The following OCA2 variants were observed in gnomAD, a reference collection of about 807,000 sequenced individuals.
OCA2 encodes the protein OCA2 melanosomal transmembrane protein, also known as P protein.
Under a neutral mutation model 100.2 loss-of-function variants are expected in OCA2, and 77 were observed. The ratio of observed to expected loss-of-function variants is 0.77; its 90% CI spans 0.64 to 0.93. The LOEUF is 0.93. Ranked by LOEUF, OCA2 falls within the 40% of genes least tolerant of loss-of-function variation. The pLI, the probability that OCA2 is intolerant of heterozygous loss-of-function variation, is 0.00. For synonymous variants in OCA2, 432 were observed against 439.2 expected, an observed-to-expected ratio of 0.98 and a Z score of 0.21; for missense variants, 1,062 against 1,089.1, an observed-to-expected ratio of 0.98 and a Z score of 0.35.
chr15:27,742,580 C>T, the OCA2 span, among the ~76,000 whole-genome samples: 1 of 152,154 alleles, frequency 6.6e-6, no homozygotes, highest in Non-Finnish European at 1.5e-5. Context: ...ACCGGGCCAC[C>T]TTCCCTTAAA....
chr15:27,805,154 C>T (rs767394689), intron 23 of OCA2, among the ~76,000 whole-genome samples: 2 of 152,200 alleles, frequency 1.3e-5, no homozygotes, highest in Non-Finnish European at 2.9e-5. Flanking sequence ...GCTGAGGTGG[C>T]GGCCCCACCG....
intron 12 of OCA2, 141 bp downstream of exon 12, chr15:27,986,446 G>A (rs535182633): frequency 3.0e-6 from 2 of 665,262 alleles, no homozygotes; most frequent in East Asian, 2.7e-5. Flanking sequence ...AGTATACCCT[G>A]CCCTGCAGAA....
At chr15:27,943,532 T>C (rs1190996608) in intron 18 of OCA2, among the ~76,000 whole-genome samples, 1 of 152,064 alleles carries the variant, frequency 6.6e-6, no homozygotes, top group Non-Finnish European at 1.5e-5. Context: ...TCTGGTAATT[T>C]TTTAGGTCTG....
chr15:27,746,732 A>C, the OCA2 span, among the ~76,000 whole-genome samples: 3 of 152,038 alleles, frequency 2.0e-5, no homozygotes, highest in African/African-American at 4.8e-5. Flanking sequence ...CCCTCACCCA[A>C]CTTTGGCCTT....
intron 18 of OCA2, among the ~76,000 whole-genome samples, chr15:27,934,256 C>A (rs2039370607): frequency 7.3e-6 from 1 of 137,262 alleles, no homozygotes; most frequent in African/African-American, 2.5e-5. Flanking sequence ...TGTTGGGACC[C>A]CAGTCTTAGA....
chr15:27,745,010 G>A, the OCA2 span, among the ~76,000 whole-genome samples: 8 of 152,176 alleles, frequency 5.3e-5, no homozygotes, highest in Admixed American at 5.2e-4. Flanking sequence ...GGCCCTGAAA[G>A]AACCTGCAGT....
chr15:27,880,048 T>C (rs11855830), intron 19 of OCA2, among the ~76,000 whole-genome samples: 2,377 of 152,218 alleles, frequency 0.016, 55 homozygotes, highest in African/African-American at 0.05. Flanking sequence ...AGGAAAGGGT[T>C]CAGTTTCAAT....
chr15:27,847,078 G>C (rs967216466), intron 22 of OCA2, among the ~76,000 whole-genome samples: 1 of 152,122 alleles, frequency 6.6e-6, no homozygotes, highest in Admixed American at 6.5e-5. Context: ...CTCCCTCCCT[G>C]AGGGCCCTCC....
At chr15:27,906,548 C>A (rs2038185006) in intron 19 of OCA2, among the ~76,000 whole-genome samples, 1 of 151,916 alleles carries the variant, frequency 6.6e-6, no homozygotes, top group Admixed American at 6.6e-5. Flanking sequence ...GGGAAAAAAA[C>A]AAATAGTAGA....
chr15:27,826,351 C>CCACA (rs10535869), intron 23 of OCA2, among the ~76,000 whole-genome samples: 227 of 149,854 alleles, frequency 1.5e-3, no homozygotes, highest in African/African-American at 5.2e-3. Flanking sequence ...AAGGAACTTC[C>CCACA]CACACACACA....
chr15:27,914,794 A>C (rs2140293690), intron 19 of OCA2, among the ~76,000 whole-genome samples: 1 of 152,364 alleles, frequency 6.6e-6, no homozygotes, highest in Middle Eastern at 3.4e-3. Flanking sequence ...TGCCCAAAGC[A>C]ATCTACAGAT....
At chr15:27,990,725 G>A (rs1009315199) in intron 9 of OCA2, 78 bp from the exon 10 acceptor site, 4 of 1,239,332 alleles carry the variant, frequency 3.2e-6, no homozygotes, top group Non-Finnish European at 4.8e-6. Flanking sequence ...GTGGACATGA[G>A]GGGGTCTATA....
intron 14 of OCA2, among the ~76,000 whole-genome samples, chr15:27,969,970 G>T (rs2040715825): frequency 6.6e-6 from 1 of 151,660 alleles, no homozygotes; most frequent in Admixed American, 6.6e-5. Context: ...AGTAAAATAT[G>T]CATGGTGTAA....
At chr15:28,092,234 T>C (rs1323254598) in intron 1 of OCA2, among the ~76,000 whole-genome samples, 3 of 151,888 alleles carry the variant, frequency 2.0e-5, no homozygotes, top group African/African-American at 7.3e-5. Flanking sequence ...GGGGATAGGG[T>C]TGGAGGGAAA....
At chr15:27,871,410 A>T (rs894831413) in intron 20 of OCA2, 152 bp from the exon 21 acceptor site, 1 of 698,124 alleles carries the variant, frequency 1.4e-6, no homozygotes, top group African/African-American at 1.7e-5. Flanking sequence ...AGCCAGGGCC[A>T]CACCCACACC....
chr15:27,764,854 G>C (rs2031128710), intron 23 of OCA2, among the ~76,000 whole-genome samples: 1 of 152,228 alleles, frequency 6.6e-6, no homozygotes, highest in Non-Finnish European at 1.5e-5. Flanking sequence ...AAAAGCAAGT[G>C]TATTAAGAAA....
intron 9 of OCA2, among the ~76,000 whole-genome samples, chr15:27,994,742 C>T (rs1406856566): frequency 1.3e-5 from 2 of 152,194 alleles, no homozygotes; most frequent in Non-Finnish European, 2.9e-5. Context: ...AGGCCAGCAT[C>T]GCTTCCTGGG....
intron 1 of OCA2, among the ~76,000 whole-genome samples, chr15:28,090,882 G>GA (rs981253848): frequency 3.3e-5 from 5 of 151,760 alleles, no homozygotes; most frequent in East Asian, 1.9e-4. Flanking sequence ...AAAAACAGTA[G>GA]AAAAAAATCA....
chr15:27,990,924 G>A (rs1336667553), intron 9 of OCA2, among the ~76,000 whole-genome samples: 1 of 152,158 alleles, frequency 6.6e-6, no homozygotes, highest in Non-Finnish European at 1.5e-5. Flanking sequence ...CTATGAGAAA[G>A]GCCATAGCAA....
Sources: gnomAD v4.1 joint callset for allele counts (sites outside exome capture counted in the v4.1 genomes callset) on GRCh38, gnomAD v4.1.1 for gene constraint, MANE v1.5 for transcripts, NCBI Gene and HGNC (gene_info 2026-07-23, HGNC 2026-07-21) for gene names.